The following KALRN variants were observed in gnomAD, a reference collection of about 807,000 sequenced individuals.
KALRN encodes kalirin RhoGEF kinase.
In KALRN, 70 loss-of-function variants were observed where a neutral mutation model predicts 353.7. That is an observed-to-expected ratio of 0.20 (90% CI 0.16 to 0.24). KALRN has a LOEUF of 0.24. Ranked by LOEUF, KALRN falls within the 10% of genes least tolerant of loss-of-function variation. KALRN has a pLI of 1.00. For missense variants in KALRN, 2,791 were observed against 3,756.7 expected, an observed-to-expected ratio of 0.74 and a Z score of 6.72; for synonymous variants, 1,391 against 1,434.8, an observed-to-expected ratio of 0.97 and a Z score of 0.69.
At chr3:124,469,691 G>A (rs1476730828) in intron 25 of KALRN, among the ~76,000 whole-genome samples, 4 of 152,092 alleles carry the variant, frequency 2.6e-5, no homozygotes, top group Non-Finnish European at 1.5e-5. Context: ...TTAAATGTAT[G>A]CTCCACGTTG....
At chr3:124,613,694 C>A (rs766079344) in intron 34 of KALRN, among the ~76,000 whole-genome samples, 1 of 152,216 alleles carries the variant, frequency 6.6e-6, no homozygotes. Context: ...TAGAAGCCAA[C>A]ATTTGAGCTT....
At chr3:124,178,105 G>A (rs1215589810) in intron 1 of KALRN, among the ~76,000 whole-genome samples, 1 of 152,128 alleles carries the variant, frequency 6.6e-6, no homozygotes, top group African/African-American at 2.4e-5. Flanking sequence ...CCCTCTTGTT[G>A]TATCTACAAC....
chr3:124,520,950 A>G lies in KALRN; in HGVS notation c.4935+24537A>G, dbSNP rs142931681. On this transcript the variant is annotated intron_variant, in intron 33 of 59. Transcript: ENST00000682506. ...TTCAAATTCAGATCTCTCATCCCCAAATCCATGCTTTTCCAGGTCACTGGG... is the reference window on the plus strand; with the variant it reads ...TTCAAATTCAGATCTCTCATCCCCAGATCCATGCTTTTCCAGGTCACTGGG... Among the ~76,000 whole-genome samples the G allele has an allele frequency of 2.1e-3, 313 of 152,278 alleles. 1 individual carries two copies. The highest frequency in any genetic ancestry group is 6.8e-3 in the Middle Eastern group (2 of 294).
intron 5 of KALRN, among the ~76,000 whole-genome samples, chr3:124,295,798 T>C (rs1209012909): frequency 1.3e-5 from 2 of 152,216 alleles, no homozygotes; most frequent in African/African-American, 4.8e-5. Flanking sequence ...GGCAGAATTC[T>C]AAAGATAAAA....
rs138626822 is a variant in KALRN at position 124,220,178 on chromosome 3, C to T, written c.74-7812C>T. Reference sequence around the variant, plus strand: ...CAGGCTGGTCTCGAACACCTGACCTCGTGATCTGCCCACTTGGGCCTCCCA... The same window carrying T: ...CAGGCTGGTCTCGAACACCTGACCTTGTGATCTGCCCACTTGGGCCTCCCA... On this transcript the variant is annotated intron_variant, in intron 1 of 59. Coordinates refer to ENST00000682506, the MANE Select transcript of KALRN (RefSeq NM_001388419.1). 5.0e-3 allele frequency among the ~76,000 whole-genome samples: 754 copies of T among 152,218 alleles called. 6 individuals carry two copies. The highest frequency in any genetic ancestry group is 0.016 in the African/African-American group (682 of 41,534).
At chr3:124,433,596 T>TA (rs144487793) in intron 16 of KALRN, among the ~76,000 whole-genome samples, 40,728 of 94,236 alleles carry the variant, frequency 0.43, 6,897 homozygotes, top group South Asian at 0.47. Context: ...AGACCCTGTC[T>TA]AAAAAAAAAA....
At chr3:124,320,302 G>A (rs970252873) in intron 6 of KALRN, among the ~76,000 whole-genome samples, 2 of 152,182 alleles carry the variant, frequency 1.3e-5, no homozygotes, top group Admixed American at 6.5e-5. Context: ...TGCCTCCTGT[G>A]ATGATCTGAC....
intron 1 of KALRN, among the ~76,000 whole-genome samples, chr3:124,197,899 G>A (rs912562078): frequency 2.0e-5 from 3 of 152,098 alleles, no homozygotes; most frequent in East Asian, 1.9e-4. Flanking sequence ...GCTGCTCTCC[G>A]ATGGTTTCCA....
intron 1 of KALRN, among the ~76,000 whole-genome samples, chr3:124,188,668 C>G (rs188961881): frequency 2.7e-4 from 41 of 152,204 alleles, no homozygotes; most frequent in African/African-American, 8.4e-4. Flanking sequence ...TACTCTATTA[C>G]CTGATGTCAA....
At position 124,387,522 on chromosome 3, in the gene KALRN, G is replaced by A. The variant is rs2088566412; in HGVS notation, c.1962+2486G>A. Among the ~76,000 whole-genome samples the A allele has an allele frequency of 3.3e-5, 5 of 152,144 alleles. No homozygotes were observed. The South Asian group carries it at 1.0e-3, about 31-fold the overall frequency. ...TTATAGCTAGGTTGTAGTAAGTACG[G>A]AAATTGACCCCAGGTCTTTCTGACT... On this transcript the variant is annotated intron_variant, in intron 11 of 59. Coordinates refer to ENST00000682506, the MANE Select transcript of KALRN (RefSeq NM_001388419.1).
chr3:124,336,205 C>A (rs540422981), intron 9 of KALRN, among the ~76,000 whole-genome samples: 2 of 152,246 alleles, frequency 1.3e-5, no homozygotes, highest in African/African-American at 4.8e-5. Flanking sequence ...ACACCTCAGT[C>A]CCAGGAGAAA....
chr3:124,591,689 A>G (rs1341779399), intron 34 of KALRN, among the ~76,000 whole-genome samples: 1 of 152,216 alleles, frequency 6.6e-6, no homozygotes, highest in Non-Finnish European at 1.5e-5. Context: ...CTCTAAAAAA[A>G]TTAGCTATTA....
chr3:124,388,854 T>C (rs1184329030), intron 11 of KALRN, among the ~76,000 whole-genome samples: 1 of 152,190 alleles, frequency 6.6e-6, no homozygotes, highest in Non-Finnish European at 1.5e-5. Flanking sequence ...CTCTCAAGAC[T>C]CATCACCTCT....
chr3:124,123,725 G>A (rs1026521719), intron 1 of KALRN, among the ~76,000 whole-genome samples: 9 of 152,208 alleles, frequency 5.9e-5, no homozygotes, highest in Admixed American at 1.3e-4. Context: ...TGACTCCCTT[G>A]TTAGGAGCTA....
chr3:124,170,976 G>A (rs1198956017), intron 1 of KALRN, among the ~76,000 whole-genome samples: 1 of 149,630 alleles, frequency 6.7e-6, no homozygotes, highest in Non-Finnish European at 1.5e-5. Context: ...ACCATGCCCA[G>A]CTAATTTCTT....
intron 1 of KALRN, among the ~76,000 whole-genome samples, chr3:124,135,265 G>A (rs901742823): frequency 1.3e-5 from 2 of 152,204 alleles, no homozygotes; most frequent in Non-Finnish European, 2.9e-5. Flanking sequence ...TCTAAGTGAA[G>A]TAACTCAGGA....
At position 124,474,653 on chromosome 3, in the gene KALRN, C is replaced by T. The variant is rs374749590; in HGVS notation, c.4032-10C>T. On this transcript the variant is annotated splice_polypyrimidine_tract_variant and intron_variant, in intron 25 of 59. Transcript: ENST00000682506. Reference sequence around the variant, plus strand: ...GAGGTGTCTGATTCAGTCTTTTTCTCCTCTTGCAGCATCTTCCTCAAAGAG... The same window carrying T: ...GAGGTGTCTGATTCAGTCTTTTTCTTCTCTTGCAGCATCTTCCTCAAAGAG... 37 of 1,612,930 alleles carry T rather than the reference C, an allele frequency of 2.3e-5. No homozygotes were observed. The African/African-American group carries it at 4.9e-4, about 22-fold the overall frequency.
intron 1 of KALRN, among the ~76,000 whole-genome samples, chr3:124,034,745 C>G (rs2039253584): frequency 6.6e-6 from 1 of 152,108 alleles, no homozygotes; most frequent in African/African-American, 2.4e-5. Flanking sequence ...CCACCAGCTT[C>G]TGTGTGTAGC....
Position 124,695,864 on chromosome 3 carries a change from A to G in KALRN, c.7578-270A>G, listed in dbSNP as rs557110159. Among the ~76,000 whole-genome samples, 5 of 152,344 alleles carry G rather than the reference A, an allele frequency of 3.3e-5. No homozygotes were observed. In the East Asian group the frequency reaches 7.7e-4, roughly 23 times the overall value. On this transcript the variant is annotated intron_variant, in intron 53 of 59. Transcript: ENST00000682506. ...CTTGCATACAACTTTATATATTTCA[A>G]ACAATGCTCTAATTCTTATGTCATT...
Sources: gnomAD v4.1 joint callset for allele counts (sites outside exome capture counted in the v4.1 genomes callset) on GRCh38, gnomAD v4.1.1 for gene constraint, MANE v1.5 for transcripts, NCBI Gene and HGNC (gene_info 2026-07-23, HGNC 2026-07-21) for gene names.